Variants in RAB43 observed in about 807,000 individuals in gnomAD.
RAB43 encodes ras-related protein Rab-43.
A neutral mutation model predicts 18.8 loss-of-function variants in RAB43; 6 were observed. The ratio of observed to expected loss-of-function variants is 0.32; its 90% CI spans 0.17 to 0.63. RAB43 has a LOEUF of 0.63. Among genes scored for constraint, RAB43 ranks in the 30% least tolerant of loss-of-function variants. The probability of loss-of-function intolerance (pLI) is 0.79; values close to 1 mark genes in which losing one functional copy is unlikely to be tolerated. For synonymous variants in RAB43, 103 were observed against 124.1 expected (o/e 0.83, Z 1.13); for missense variants, 195 against 289.1 (o/e 0.67, Z 2.36).
intron 1 of RAB43, among the ~76,000 whole-genome samples, chr3:129,108,020 T>G (rs1576836239): frequency 6.6e-6 from 1 of 152,330 alleles, no homozygotes; most frequent in Middle Eastern, 3.4e-3. Context: ...GTATTTGCCA[T>G]GCTCTCATCT....
At position 129,095,511 on chromosome 3, in the gene RAB43, C is replaced by T. The variant is rs775171779; in HGVS notation, c.205-342G>A. Among the ~76,000 whole-genome samples the T allele has an allele frequency of 5.3e-5, 8 of 152,198 alleles. No homozygotes were observed. The highest frequency in any genetic ancestry group is 7.3e-5 in the Non-Finnish European group (5 of 68,040). On this transcript the variant is annotated intron_variant, in intron 1 of 2. Transcript: ENST00000315150. This position sits in a 1 kb window ranked among gnomAD's most constrained non-coding sequence, Gnocchi z 4.2. ...ACAGAACCACCAGTGCTCAAGCGGC[C>T]GGCGGCTGGAAAGCTGGCTCCAGGT...
chr3:129,110,059 C>A (rs977185634), intron 1 of RAB43, among the ~76,000 whole-genome samples: 18 of 151,944 alleles, frequency 1.2e-4, no homozygotes, highest in Admixed American at 2.0e-4. Context: ...GAGACAGGTT[C>A]TCCCCATGTT....
intron 1 of RAB43, among the ~76,000 whole-genome samples, chr3:129,108,210 G>A (rs914073673): frequency 3.9e-5 from 6 of 152,286 alleles, no homozygotes; most frequent in South Asian, 2.1e-4. Context: ...CCTGAGGAGT[G>A]TGGATTAAAG....
At chr3:129,099,409 C>T (rs1211957945) in intron 1 of RAB43, among the ~76,000 whole-genome samples, 3 of 140,386 alleles carry the variant, frequency 2.1e-5, no homozygotes, top group Non-Finnish European at 3.1e-5. Flanking sequence ...TTTTTTGAGA[C>T]GGAGTTTCGC....
intron 1 of RAB43, among the ~76,000 whole-genome samples, chr3:129,113,158 ATTAT>A (rs1166724382): frequency 6.8e-6 from 1 of 146,580 alleles, no homozygotes; most frequent in East Asian, 2.1e-4. Context: ...TATTTTTATT[ATTAT>A]TATTATTATT....
In RAB43 at chr3:129,095,064, T is replaced by A; in HGVS notation, c.310A>T (p.Ser104Cys). 1 of 1,613,920 alleles carries A rather than the reference T, an allele frequency of 6.2e-7. No homozygotes were observed. The highest frequency in any genetic ancestry group is 8.5e-7 in the Non-Finnish European group (1 of 1,179,890). ...CAGTGAGGCACCGACAGGAAGGAGC[T>A]CCTCTTGGTGATGTCGTAGGCAAGG... Reference protein sequence around the residue: ...AILAYDITKRSSFLSVPHWIE... With the variant: ...AILAYDITKRCSFLSVPHWIE... The change falls in exon 2 of 3, where the codon AGC (serine) becomes TGC (cysteine). Residue 104 changes from serine (S) to cysteine (C), a missense_variant. Coordinates refer to ENST00000315150, the MANE Select transcript of RAB43 (RefSeq NM_198490.3). The surrounding 1 kb of genome is among the most constrained non-coding windows in gnomAD (Gnocchi z 4.2).
intron 2 of RAB43, 99 bp from the exon 3 acceptor site, chr3:129,091,445 A>G (rs1026731279): frequency 2.3e-5 from 33 of 1,423,006 alleles, no homozygotes; most frequent in Non-Finnish European, 3.0e-5. Flanking sequence ...ACTCCCTTCC[A>G]CCACTATAAA....
At chr3:129,101,456 G>T (rs1275008047) in intron 1 of RAB43, among the ~76,000 whole-genome samples, 2 of 152,184 alleles carry the variant, frequency 1.3e-5, no homozygotes, top group Non-Finnish European at 2.9e-5. Flanking sequence ...GACAGAATGT[G>T]CCACAGATCC....
At chr3:129,105,280 TTG>T (rs1246226186) in intron 1 of RAB43, among the ~76,000 whole-genome samples, 1 of 149,520 alleles carries the variant, frequency 6.7e-6, no homozygotes, top group Non-Finnish European at 1.5e-5. Flanking sequence ...TGACGAAACC[TTG>T]TCTCTACTAA....
intron 1 of RAB43, among the ~76,000 whole-genome samples, chr3:129,103,265 C>A (rs1934548159): frequency 6.6e-6 from 1 of 152,172 alleles, no homozygotes; most frequent in Non-Finnish European, 1.5e-5. Context: ...CACCTCCCTA[C>A]CGCCACTCCA....
At position 129,121,478 on chromosome 3, in the gene RAB43, C is replaced by G; in HGVS notation, c.12G>C (p.Pro4=). 6.2e-7 allele frequency: 1 copy of G among 1,610,760 alleles called. No homozygotes were observed. Among genetic ancestry groups the G allele is most frequent in the South Asian group, 1.1e-5 (1 of 90,636 alleles). Residue 4 remains proline (P), a synonymous_variant, in exon 1 of 3, where the codon CCG becomes CCC. Transcript: ENST00000315150. The part of the protein sequence containing the change: MAG[P]GPGPGDPDEQ... ...CGTCCGGGTCCCCCGGGCCTGGGCC[C>G]GGCCCTGCCATGGCCTAGAAGAAGC...
chr3:129,104,580 TTTCA>T (rs1173142853), intron 1 of RAB43, among the ~76,000 whole-genome samples: 2 of 152,050 alleles, frequency 1.3e-5, no homozygotes, highest in African/African-American at 4.8e-5. Context: ...GGCAGGTAAG[TTTCA>T]TATGGGGTGG....
chr3:129,111,106 G>A (rs1935138856), intron 1 of RAB43, among the ~76,000 whole-genome samples: 1 of 152,178 alleles, frequency 6.6e-6, no homozygotes, highest in Non-Finnish European at 1.5e-5. Context: ...CGAATTCCTA[G>A]GTGGTCTCCT....
rs1015963572 is a variant in RAB43, at chr3:129,095,749, G to A, written c.205-580C>T. Among the ~76,000 whole-genome samples the A allele has an allele frequency of 2.0e-5, 3 of 152,194 alleles. No homozygotes were observed. The highest frequency in any genetic ancestry group is 7.2e-5 in the African/African-American group (3 of 41,456). ...AAGGCAGTTTCCACCAGCTGACCCAGCTTGGCCAAAGCAAGGAGCTTTGGC... is the reference window on the plus strand; with the variant it reads ...AAGGCAGTTTCCACCAGCTGACCCAACTTGGCCAAAGCAAGGAGCTTTGGC... On this transcript the variant is annotated intron_variant, in intron 1 of 2. Transcript: ENST00000315150. The surrounding 1 kb of genome is among the most constrained non-coding windows in gnomAD (Gnocchi z 4.2).
intron 1 of RAB43, among the ~76,000 whole-genome samples, chr3:129,112,599 G>A (rs1303992539): frequency 1.3e-5 from 2 of 152,134 alleles, no homozygotes; most frequent in Non-Finnish European, 2.9e-5. Context: ...CCCCCTTTAA[G>A]AGACGTCACC....
chr3:129,100,386 C>T (rs748851552), intron 1 of RAB43, among the ~76,000 whole-genome samples: 44 of 152,198 alleles, frequency 2.9e-4, no homozygotes, highest in Non-Finnish European at 5.4e-4. Context: ...GATGGTACCA[C>T]TGCACTAAAG....
chr3:129,091,494 A>T (rs1450408678), intron 2 of RAB43, 148 bp from the exon 3 acceptor site: 2 of 1,131,574 alleles, frequency 1.8e-6, no homozygotes, highest in East Asian at 5.2e-5. Flanking sequence ...TTCTTTAAAA[A>T]ACCTTTTTTA....
intron 1 of RAB43, among the ~76,000 whole-genome samples, chr3:129,108,223 C>T (rs1934911503): frequency 6.6e-6 from 1 of 152,204 alleles, no homozygotes; most frequent in Admixed American, 6.5e-5. Context: ...GATTAAAGCC[C>T]CCCACCAAGC....
chr3:129,098,190 C>T lies in RAB43; in HGVS notation c.205-3021G>A, dbSNP rs930979950. Among the ~76,000 whole-genome samples, 90 of 152,094 alleles carry T rather than the reference C, an allele frequency of 5.9e-4. 1 individual carries two copies. The highest frequency in any genetic ancestry group is 9.4e-4 in the Non-Finnish European group (64 of 68,026). On this transcript the variant is annotated intron_variant, in intron 1 of 2. Coordinates refer to ENST00000315150, the MANE Select transcript of RAB43 (RefSeq NM_198490.3). ...CCTCATTAGTGTCTCATTAGCGACCCGTATATGAGCTATCAGAACGTCACT... is the reference window on the plus strand; with the variant it reads ...CCTCATTAGTGTCTCATTAGCGACCTGTATATGAGCTATCAGAACGTCACT...
Sources: allele counts gnomAD v4.1 joint callset (sites outside exome capture counted in the v4.1 genomes callset), GRCh38; gene constraint gnomAD v4.1.1; non-coding constraint Gnocchi (gnomAD v3.1); transcripts MANE v1.5; gene names NCBI Gene and HGNC (gene_info 2026-07-23, HGNC 2026-07-21).